DNAI4: variants seen among roughly 807,000 people sequenced by gnomAD.
DNAI4 encodes the protein WD repeat domain 78.
DNAI4 carries 85 observed loss-of-function variants against 105.8 expected under a neutral mutation model. That is an observed-to-expected ratio of 0.80 (90% CI 0.67 to 0.96). The LOEUF is 0.96. DNAI4 is among the 40% of genes least tolerant of loss of function. DNAI4 has a pLI of 0.00. For missense variants in DNAI4, 1,014 were observed against 1,005.6 expected (o/e 1.01, Z -0.11); for synonymous variants, 352 against 331.5 (o/e 1.06, Z -0.67).
chr1:66,922,770 A>T (rs1650593412), intron 1 of DNAI4, among the ~76,000 whole-genome samples: 7 of 152,226 alleles, frequency 4.6e-5, no homozygotes, highest in Admixed American at 4.6e-4. Flanking sequence ...CCATTTACTA[A>T]AATGAGAAAG....
chr1:66,896,670 TCC>T (rs1648363792), intron 2 of DNAI4, among the ~76,000 whole-genome samples: 4 of 152,082 alleles, frequency 2.6e-5, no homozygotes, highest in South Asian at 2.1e-4. Flanking sequence ...AAAGCCAGTT[TCC>T]CTATCTCTCA....
At position 66,909,116 on chromosome 1, in the gene DNAI4, A is replaced by G. The variant is rs539188524; in HGVS notation, c.171-3741T>C. Reference sequence around the variant, plus strand: ...CTGCATCATAAGTTTTTCTCTCTCTATTGGATAATTACCTTCAGCATGTAA... The same window carrying G: ...CTGCATCATAAGTTTTTCTCTCTCTGTTGGATAATTACCTTCAGCATGTAA... On this transcript the variant is annotated intron_variant, in intron 1 of 16. Transcript: ENST00000371026. 4.9e-4 allele frequency among the ~76,000 whole-genome samples: 75 copies of G among 152,086 alleles called. 2 individuals carry two copies. The South Asian group carries it at 0.015, about 30-fold the overall frequency.
At chr1:66,843,149 G>A (rs1434707026) in intron 8 of DNAI4, among the ~76,000 whole-genome samples, 1 of 137,136 alleles carries the variant, frequency 7.3e-6, no homozygotes, top group Non-Finnish European at 1.5e-5. Flanking sequence ...ACAATGAGCC[G>A]TGATTGTGCC....
rs1165479234 is a variant in DNAI4 at position 66,836,140 on chromosome 1, AAAAGAAAG to A, written c.1582-371_1582-364del. On this transcript the variant is annotated intron_variant, in intron 10 of 16. Transcript: ENST00000371026. ...ACCCTCATCTCAGAAAGAAAGAAAGAAAAGAAAGAAAGAAAGAAAGAAAGAAAGAAAGA... is the reference window on the plus strand; with the variant it reads ...ACCCTCATCTCAGAAAGAAAGAAAGAAAAGAAAGAAAGAAAGAAAGAAAGA... 3.8e-3 allele frequency among the ~76,000 whole-genome samples: 368 copies of A among 96,054 alleles called. 4 individuals carry two copies. The highest frequency in any genetic ancestry group is 0.01 in the Middle Eastern group (2 of 200). The allele number at this position is 96,054 out of a possible 152,430, so 63.0% of individuals were successfully genotyped here.
rs545665412 is a variant in DNAI4 at position 66,893,284 on chromosome 1, A to G, written c.475T>C (p.Ser159Pro). ...EGSLGSEFIS[S>P]YSLYQNTINP... The stretch of plus-strand genomic sequence containing the variant: ...ATTGTATTCTGATAAAGGCTATAGG[A>G]AGATATAAATTCTGATCCAAGTGAT... Residue 159 changes from serine to proline, a missense_variant, in exon 3 of 17, where the codon TCC becomes CCC. Physicochemically the swap from Ser to Pro is moderately conservative, Grantham distance 74. Coordinates refer to ENST00000371026, the MANE Select transcript of DNAI4 (RefSeq NM_024763.5). The G allele has an allele frequency of 6.2e-6, 10 of 1,610,234 alleles. No individual in the cohort carries two copies. In the African/African-American group the frequency reaches 1.1e-4, roughly 17 times the overall value.
intron 7 of DNAI4, among the ~76,000 whole-genome samples, chr1:66,857,639 A>G (rs898401266): frequency 8.6e-5 from 13 of 151,552 alleles, no homozygotes; most frequent in African/African-American, 3.2e-4. Context: ...GGTTCAAGCG[A>G]TTCTCCTGCC....
intron 1 of DNAI4, among the ~76,000 whole-genome samples, chr1:66,922,911 T>C (rs1650605504): frequency 6.6e-6 from 1 of 152,194 alleles, no homozygotes; most frequent in Admixed American, 6.5e-5. Context: ...TTAACATTTG[T>C]GAATCATCAT....
chr1:66,891,117 G>A (rs753743250), intron 4 of DNAI4, 37 bp downstream of exon 4: 39 of 1,409,806 alleles, frequency 2.8e-5, no homozygotes, highest in East Asian at 1.4e-4. Flanking sequence ...ACTAAATAAC[G>A]GACTGTTACT....
At chr1:66,893,061 G>A (rs56906198) in intron 3 of DNAI4, among the ~76,000 whole-genome samples, 168 bp downstream of exon 3, 4,566 of 93,476 alleles carry the variant, frequency 0.049, 271 homozygotes, top group Middle Eastern at 0.14. Flanking sequence ...GAAAGAGAGA[G>A]AGAGAAAGAA....
intron 4 of DNAI4, among the ~76,000 whole-genome samples, chr1:66,880,706 TAGAAA>T (rs1309528992): frequency 7.2e-5 from 11 of 152,102 alleles, no homozygotes; most frequent in Non-Finnish European, 2.9e-5. Context: ...GACAATGCAA[TAGAAA>T]AGAAAATCCC....
At chr1:66,840,424 C>T in intron 9 of DNAI4, 45 bp downstream of exon 9, 2 of 1,534,426 alleles carry the variant, frequency 1.3e-6, no homozygotes, top group Non-Finnish European at 1.8e-6. Context: ...TGATAATTTC[C>T]CTTCAATGCT....
At chr1:66,831,923 T>A (rs1342989012) in intron 13 of DNAI4, among the ~76,000 whole-genome samples, 2 of 152,220 alleles carry the variant, frequency 1.3e-5, no homozygotes, top group African/African-American at 2.4e-5. Flanking sequence ...CAAGCATTAT[T>A]GACATTTTGG....
intron 5 of DNAI4, among the ~76,000 whole-genome samples, chr1:66,872,408 T>C (rs1646866766): frequency 6.6e-6 from 1 of 151,914 alleles, no homozygotes; most frequent in African/African-American, 2.4e-5. Context: ...TTTGTATTTT[T>C]AGTAGACACG....
At chr1:66,870,565 A>G (rs533028473) in intron 6 of DNAI4, among the ~76,000 whole-genome samples, 20 of 151,870 alleles carry the variant, frequency 1.3e-4, no homozygotes, top group African/African-American at 4.1e-4. Flanking sequence ...ATCCTGGCCA[A>G]CATGGTGAAA....
intron 1 of DNAI4, chr1:66,921,384 C>A (rs772121766): frequency 6.6e-6 from 1 of 152,102 alleles, no homozygotes; most frequent in Non-Finnish European, 1.5e-5. Context: ...AGATCCTTTC[C>A]AAGGTCAGGA....
In DNAI4 at chr1:66,826,920, T is replaced by A; in HGVS notation, c.2239A>T (p.Thr747Ser). ...VKPSLSFYPA[T>S]SVVYDVAWSP... ...CAGGCAACGTCGTAAACAACAGAAG[T>A]AGCTGGATAAAAACTCAAAGATGGC... Residue 747 changes from threonine to serine, a missense_variant, in exon 15 of 17, where the codon ACT becomes TCT. Coordinates refer to ENST00000371026, the MANE Select transcript of DNAI4 (RefSeq NM_024763.5). The A allele has an allele frequency of 6.2e-7, 1 of 1,614,120 alleles. No homozygotes were observed. Among genetic ancestry groups the A allele is most frequent in the Non-Finnish European group, 8.5e-7 (1 of 1,180,022 alleles).
At chr1:66,883,078 T>C (rs1217503891) in intron 4 of DNAI4, among the ~76,000 whole-genome samples, 2 of 151,998 alleles carry the variant, frequency 1.3e-5, no homozygotes, top group Non-Finnish European at 1.5e-5. Flanking sequence ...AGTCTAGTAG[T>C]TCGTTGATGG....
intron 7 of DNAI4, among the ~76,000 whole-genome samples, chr1:66,855,035 T>C (rs1477544175): frequency 6.6e-6 from 1 of 152,154 alleles, no homozygotes; most frequent in Non-Finnish European, 1.5e-5. Flanking sequence ...ATTCACCTGA[T>C]AGCATACCTT....
intron 1 of DNAI4, among the ~76,000 whole-genome samples, chr1:66,913,778 C>T (rs917502378): frequency 6.6e-6 from 1 of 152,030 alleles, no homozygotes; most frequent in South Asian, 2.1e-4. Flanking sequence ...GTCAGGAAAT[C>T]GAGACCATCC....
Sources: gnomAD v4.1 joint callset for allele counts (sites outside exome capture counted in the v4.1 genomes callset) on GRCh38, gnomAD v4.1.1 for gene constraint, MANE v1.5 for transcripts, NCBI Gene and HGNC (gene_info 2026-07-23, HGNC 2026-07-21) for gene names.